The following RHPN2 variants were observed in gnomAD, a reference collection of about 807,000 sequenced individuals.
RHPN2 encodes rhophilin Rho GTPase binding protein 2.
RHPN2 carries 40 observed loss-of-function variants against 79.0 expected under a neutral mutation model. The ratio of observed to expected loss-of-function variants is 0.51; its 90% CI spans 0.39 to 0.66. RHPN2 has a LOEUF of 0.66. RHPN2 is among the 30% of genes least tolerant of loss of function. The pLI is 0.00. For synonymous variants in RHPN2, 285 were observed against 363.5 expected (o/e 0.78, Z 2.46); for missense variants, 686 against 883.5 (o/e 0.78, Z 2.83).
chr19:33,027,601 A>G (rs1420436023), intron 2 of RHPN2, among the ~76,000 whole-genome samples: 2 of 152,122 alleles, frequency 1.3e-5, no homozygotes, highest in Non-Finnish European at 2.9e-5. Flanking sequence ...ATGCTTCCCA[A>G]TTCATTCTGT....
chr19:33,043,289 G>A (rs1972115577), intron 2 of RHPN2, among the ~76,000 whole-genome samples: 1 of 152,134 alleles, frequency 6.6e-6, no homozygotes, highest in South Asian at 2.1e-4. Context: ...AGTAGCTCGC[G>A]CCTGTAATTC....
chr19:33,051,754 C>T, intron 1 of RHPN2: 1 of 175,560 alleles, frequency 5.7e-6, no homozygotes, highest in South Asian at 1.0e-4. Flanking sequence ...GGTGTGGTGG[C>T]TCACGTGTAT....
intron 12 of RHPN2, among the ~76,000 whole-genome samples, chr19:32,992,814 A>G (rs1420515573): frequency 1.0e-5 from 1 of 95,564 alleles, no homozygotes; most frequent in African/African-American, 3.5e-5. Flanking sequence ...ACCCTGTCTT[A>G]AAAAAAAAAA....
intron 1 of RHPN2, among the ~76,000 whole-genome samples, chr19:33,048,713 G>A (rs1288740103): frequency 1.1e-5 from 1 of 91,270 alleles, no homozygotes; most frequent in East Asian, 3.6e-4. Context: ...GTGACACAGC[G>A]AGACTCAGTC....
At chr19:33,019,054 A>G (rs2145244012) in intron 4 of RHPN2, among the ~76,000 whole-genome samples, 1 of 151,972 alleles carries the variant, frequency 6.6e-6, no homozygotes, top group South Asian at 2.1e-4. Context: ...AAAAGAAAGA[A>G]AGAAAGAAAA....
At chr19:33,041,576 G>A (rs901974116) in intron 2 of RHPN2, among the ~76,000 whole-genome samples, 6 of 151,992 alleles carry the variant, frequency 3.9e-5, no homozygotes, top group African/African-American at 7.3e-5. Context: ...AGTCAGGCTC[G>A]GGCCTCAGAA....
intron 4 of RHPN2, among the ~76,000 whole-genome samples, chr19:33,020,018 G>A (rs1005245453): frequency 2.0e-5 from 3 of 152,060 alleles, no homozygotes; most frequent in African/African-American, 7.2e-5. Context: ...CCCCAGCATC[G>A]GGGCATGGTC....
intron 11 of RHPN2, among the ~76,000 whole-genome samples, chr19:32,994,402 A>G (rs1971685105): frequency 6.6e-6 from 1 of 151,892 alleles, no homozygotes; most frequent in African/African-American, 2.4e-5. Context: ...GGGGGAAAAA[A>G]AAAGTGATCC....
At chr19:32,980,442 T>C (rs945287605) in intron 14 of RHPN2, among the ~76,000 whole-genome samples, 186 bp from the exon 15 acceptor site, 2 of 151,970 alleles carry the variant, frequency 1.3e-5, no homozygotes, top group African/African-American at 4.8e-5. Flanking sequence ...ACCCCATCTC[T>C]ACTAAAATAC....
chr19:32,999,692 C>A lies in RHPN2; in HGVS notation c.1119G>T (p.Thr373=). ...LLIDHQVKPG[T]DLDHQEKCLS... The stretch of plus-strand genomic sequence containing the variant: ...GGCACTTCTCCTGGTGGTCCAGATC[C>A]GTGCCTGGCTTCACTGCAAAGAGAA... The change falls in exon 10 of 15, where the codon ACG becomes ACT. Residue 373 remains threonine (T), a synonymous_variant. Transcript: ENST00000254260. The A allele has an allele frequency of 6.2e-7, 1 of 1,612,446 alleles. No individual in the cohort carries two copies. Among genetic ancestry groups the A allele is most frequent in the South Asian group, 1.1e-5 (1 of 90,926 alleles).
chr19:32,990,572 A>G lies in RHPN2; in HGVS notation c.1742T>C (p.Phe581Ser). The G allele has an allele frequency of 6.2e-7, 1 of 1,613,870 alleles. No individual in the cohort carries two copies. The highest frequency in any genetic ancestry group is 8.5e-7 in the Non-Finnish European group (1 of 1,179,864). ...TTTCATCTCGATCTCGTCCTCGCCA[A>G]AGCTCTTCAGCAGCTTCATAACCTC... is the stretch of plus-strand genomic sequence containing the variant. Reference protein sequence around the residue: ...LSEVMKLLKSFGEDEIEMKVV... With the variant: ...LSEVMKLLKSSGEDEIEMKVV... The change falls in exon 14 of 15, where the codon TTT becomes TCT. Residue 581 changes from phenylalanine (F) to serine (S), a missense_variant. Physicochemically the swap from Phe to Ser is radical, Grantham distance 155 (BLOSUM62 -2). Coordinates refer to ENST00000254260, the MANE Select transcript of RHPN2 (RefSeq NM_033103.5).
rs184047321 is a variant in RHPN2, at chr19:32,980,318, C to A, written c.1801-62G>T. The A allele has an allele frequency of 1.7e-4, 276 of 1,607,154 alleles. No homozygotes were observed. The African/African-American group carries it at 3.4e-3, about 20-fold the overall frequency. On this transcript the variant is annotated intron_variant, in intron 14 of 14. Coordinates refer to ENST00000254260, the MANE Select transcript of RHPN2 (RefSeq NM_033103.5). Reference sequence around the variant, plus strand: ...TCATCAAGATAGATGATAAAAACTACGAAGTTTGGCCAGGCGCGGTGGCTC... The same window carrying A: ...TCATCAAGATAGATGATAAAAACTAAGAAGTTTGGCCAGGCGCGGTGGCTC...
chr19:33,038,633 C>T (rs898733667), intron 2 of RHPN2, among the ~76,000 whole-genome samples: 16 of 150,584 alleles, frequency 1.1e-4, no homozygotes, highest in Admixed American at 8.0e-4. Context: ...GGATTACAGG[C>T]GCACACCACC....
At chr19:33,058,931 T>A (rs1185119134) in intron 1 of RHPN2, among the ~76,000 whole-genome samples, 2 of 152,004 alleles carry the variant, frequency 1.3e-5, no homozygotes, top group African/African-American at 4.8e-5. Context: ...ACCCTGTCTC[T>A]ACTAAAAAAT....
At chr19:33,052,500 C>G (rs1391492700) in intron 1 of RHPN2, among the ~76,000 whole-genome samples, 1 of 152,218 alleles carries the variant, frequency 6.6e-6, no homozygotes, top group Non-Finnish European at 1.5e-5. Flanking sequence ...TTTTCTCTGC[C>G]TTTCTCACTC....
intron 14 of RHPN2, among the ~76,000 whole-genome samples, chr19:32,980,764 C>T (rs1201819425): frequency 1.3e-5 from 2 of 152,170 alleles, no homozygotes; most frequent in Non-Finnish European, 2.9e-5. Flanking sequence ...AGCGATCTTC[C>T]TGCCTTGGCC....
chr19:33,020,867 C>T (rs1415672325), intron 4 of RHPN2, among the ~76,000 whole-genome samples: 2 of 152,120 alleles, frequency 1.3e-5, no homozygotes, highest in East Asian at 3.8e-4. Flanking sequence ...CACAAGAATG[C>T]GCAGATGGAC....
chr19:33,014,023 G>A (rs1377253703), intron 4 of RHPN2, among the ~76,000 whole-genome samples: 1 of 151,770 alleles, frequency 6.6e-6, no homozygotes, highest in Non-Finnish European at 1.5e-5. Flanking sequence ...CCACAGGCAC[G>A]TGCCACAAGC....
At chr19:33,021,228 C>T (rs1457681811) in intron 4 of RHPN2, among the ~76,000 whole-genome samples, 1 of 152,144 alleles carries the variant, frequency 6.6e-6, no homozygotes, top group Non-Finnish European at 1.5e-5. Flanking sequence ...AAAAATATGG[C>T]AGGAATAAAC....
Sources: gnomAD v4.1 joint callset for allele counts (sites outside exome capture counted in the v4.1 genomes callset) on GRCh38, gnomAD v4.1.1 for gene constraint, MANE v1.5 for transcripts, NCBI Gene and HGNC (gene_info 2026-07-23, HGNC 2026-07-21) for gene names.